The following DNAH9 variants were observed in gnomAD, a reference collection of about 807,000 sequenced individuals.
The protein encoded by DNAH9 is dynein axonemal heavy chain 9.
A neutral mutation model predicts 471.6 loss-of-function variants in DNAH9; 345 were observed. That is an observed-to-expected ratio of 0.73 (90% CI 0.67 to 0.80). DNAH9 has a LOEUF of 0.80. Ranked by LOEUF, DNAH9 falls within the 30% of genes least tolerant of loss-of-function variation. The pLI, the probability that DNAH9 is intolerant of heterozygous loss-of-function variation, is 0.00. For missense variants in DNAH9, 5,407 were observed against 5,609.2 expected, an observed-to-expected ratio of 0.96 and a Z score of 1.15; for synonymous variants, 2,093 against 2,123.6, an observed-to-expected ratio of 0.99 and a Z score of 0.40.
At chr17:11,600,003 A>C (rs541373107) in intron 1 of DNAH9, among the ~76,000 whole-genome samples, 2 of 152,246 alleles carry the variant, frequency 1.3e-5, no homozygotes, top group African/African-American at 4.8e-5. Context: ...TCTCCCTGCT[A>C]TGTCAAGTGT....
chr17:11,778,448 T>A (rs1355961828), intron 38 of DNAH9, among the ~76,000 whole-genome samples: 1 of 150,780 alleles, frequency 6.6e-6, no homozygotes, highest in Non-Finnish European at 1.5e-5. Context: ...GATGCAAGTT[T>A]AGTGGAAGTC....
intron 50 of DNAH9, among the ~76,000 whole-genome samples, chr17:11,865,366 G>A (rs1195765162): frequency 6.6e-6 from 1 of 151,854 alleles, no homozygotes; most frequent in Non-Finnish European, 1.5e-5. Flanking sequence ...CTTCTGGCTT[G>A]TAGAGTTTCT....
At chr17:11,855,144 C>A (rs1293201017) in intron 50 of DNAH9, among the ~76,000 whole-genome samples, 1 of 151,960 alleles carries the variant, frequency 6.6e-6, no homozygotes, top group African/African-American at 2.4e-5. Context: ...TCAAGTGATC[C>A]TCCCACCTCA....
At chr17:11,628,422 C>G (rs2073007592) in intron 6 of DNAH9, among the ~76,000 whole-genome samples, 1 of 152,186 alleles carries the variant, frequency 6.6e-6, no homozygotes, top group Non-Finnish European at 1.5e-5. Context: ...GGCCTAAATC[C>G]CAGGCTTGAG....
At position 11,679,931 on chromosome 17, in the gene DNAH9, G is replaced by C; in HGVS notation, c.3528G>C (p.Leu1176=). The change falls in exon 18 of 69, where the codon CTG becomes CTC. Residue 1176 remains leucine, a synonymous_variant. Transcript: ENST00000262442. ...CCTTAAAGCAGACTATTGAATTGCT[G>C]AAGACCTATGAACAAGAATTGCCAG... is the stretch of plus-strand genomic sequence containing the variant. ...FEPLKQTIEL[L]KTYEQELPET... is the part of the protein sequence containing the mutation. The C allele has an allele frequency of 6.2e-7, 1 of 1,614,078 alleles. No homozygotes were observed. Among genetic ancestry groups the C allele is most frequent in the Non-Finnish European group, 8.5e-7 (1 of 1,179,982 alleles).
At chr17:11,893,437 CAAAGACTTG>C (rs60887136) in intron 58 of DNAH9, among the ~76,000 whole-genome samples, 99,115 of 151,220 alleles carry the variant, frequency 0.66, 33,448 homozygotes, top group Middle Eastern at 0.76. Flanking sequence ...TTTACAATAG[CAAAGACTTG>C]AAAGACTTGG....
At chr17:11,804,333 A>C (rs1008412422) in intron 43 of DNAH9, among the ~76,000 whole-genome samples, 18 of 152,220 alleles carry the variant, frequency 1.2e-4, no homozygotes, top group African/African-American at 4.1e-4. Flanking sequence ...TTTAAGACCT[A>C]AAAATATTTG....
At chr17:11,928,898 T>C (rs1974412989) in intron 62 of DNAH9, among the ~76,000 whole-genome samples, 1 of 152,160 alleles carries the variant, frequency 6.6e-6, no homozygotes, top group South Asian at 2.1e-4. Flanking sequence ...TCTGCATTTC[T>C]AACTAGCTCC....
chr17:11,873,756 C>T (rs926304395), intron 52 of DNAH9, among the ~76,000 whole-genome samples: 2 of 118,364 alleles, frequency 1.7e-5, no homozygotes, highest in Non-Finnish European at 3.3e-5. Context: ...ACAGAAATTG[C>T]GGGGGCTGTT....
At chr17:11,607,705 G>C (rs568815107) in intron 1 of DNAH9, among the ~76,000 whole-genome samples, 1 of 152,220 alleles carries the variant, frequency 6.6e-6, no homozygotes, top group African/African-American at 2.4e-5. Context: ...GAGTAGCTGT[G>C]ATCACAGGAA....
intron 22 of DNAH9, among the ~76,000 whole-genome samples, chr17:11,698,050 T>A (rs1402508041): frequency 6.9e-6 from 1 of 145,018 alleles, no homozygotes; most frequent in Non-Finnish European, 1.5e-5. Context: ...TTAAAAAAAT[T>A]ATATATAAAA....
intron 67 of DNAH9, among the ~76,000 whole-genome samples, chr17:11,956,344 CA>C (rs1448394618): frequency 6.6e-6 from 1 of 151,534 alleles, no homozygotes; most frequent in Non-Finnish European, 1.5e-5. Context: ...ATACATAAAG[CA>C]AAAAAATGAT....
intron 45 of DNAH9, among the ~76,000 whole-genome samples, chr17:11,816,446 A>G (rs1970099193): frequency 1.3e-5 from 2 of 152,228 alleles, no homozygotes; most frequent in Admixed American, 1.3e-4. Context: ...ATGATGTGCC[A>G]TTAAATACTA....
chr17:11,811,814 A>G (rs1281379208), intron 45 of DNAH9, among the ~76,000 whole-genome samples: 2 of 151,050 alleles, frequency 1.3e-5, no homozygotes, highest in African/African-American at 2.4e-5. Context: ...CTCAGAACCA[A>G]TATCTCCAAT....
At chr17:11,868,661 T>C (rs1338424455) in intron 50 of DNAH9, among the ~76,000 whole-genome samples, 1 of 151,968 alleles carries the variant, frequency 6.6e-6, no homozygotes, top group African/African-American at 2.4e-5. Context: ...CCACGTGGGT[T>C]GCTGTTGACC....
rs2073573706 is a variant in DNAH9 at position 11,654,100 on chromosome 17, A to ATCT, written c.2595+1098_2595+1099insTCT. Among the ~76,000 whole-genome samples the ATCT allele has an allele frequency of 3.0e-5, 2 of 66,970 alleles. 1 individual carries two copies. The highest frequency in any genetic ancestry group is 7.3e-5 in the Non-Finnish European group (2 of 27,392). The allele number at this position is 66,970 out of a possible 152,430, so 43.9% of individuals were successfully genotyped here. On this transcript the variant is annotated intron_variant, in intron 14 of 68. Transcript: ENST00000262442. ...GCCGGGCGCGGTGGCTCACGCTTGT[A>ATCT]ATCCCAGCACTTTGGGAGGCCGAGG...
intron 8 of DNAH9, 63 bp from the exon 9 acceptor site, chr17:11,636,571 G>A (rs187597609): frequency 4.5e-5 from 62 of 1,366,306 alleles, no homozygotes; most frequent in Non-Finnish European, 5.7e-5. Context: ...CACTGGATTT[G>A]TATAACCATG....
Position 11,969,451 on chromosome 17 carries a change from G to C in DNAH9, c.13385G>C (p.Trp4462Ser), listed in dbSNP as rs764792200. Reference sequence around the variant, plus strand: ...AGTCAGCGGGGACCCACCTACGTGTGGACTTTCAACCTGAAGACTAAGGAA... The same window carrying C: ...AGTCAGCGGGGACCCACCTACGTGTCGACTTTCAACCTGAAGACTAAGGAA... ...KTSQRGPTYV[W>S]TFNLKTKENP... is the part of the protein sequence containing the mutation. Residue 4462 changes from tryptophan to serine, a missense_variant, in exon 69 of 69, where the codon TGG becomes TCG. By Grantham distance (177) the Trp-to-Ser change is radical. Coordinates refer to ENST00000262442, the MANE Select transcript of DNAH9 (RefSeq NM_001372.4). 1 of 1,613,922 alleles carries C rather than the reference G, an allele frequency of 6.2e-7. No homozygotes were observed. Among genetic ancestry groups the C allele is most frequent in the South Asian group, 1.1e-5 (1 of 91,070 alleles).
intron 64 of DNAH9, 56 bp from the exon 65 acceptor site, chr17:11,933,824 C>T (rs1300034986): frequency 1.4e-5 from 21 of 1,537,562 alleles, no homozygotes; most frequent in Middle Eastern, 1.9e-4. Context: ...AGGCCAGCCC[C>T]GACGCCTGTG....
Sources: gnomAD v4.1 joint callset for allele counts (sites outside exome capture counted in the v4.1 genomes callset) on GRCh38, gnomAD v4.1.1 for gene constraint, MANE v1.5 for transcripts, NCBI Gene and HGNC (gene_info 2026-07-23, HGNC 2026-07-21) for gene names.